The following STARD8 variants were observed in gnomAD, a reference collection of about 807,000 sequenced individuals.
STARD8 encodes the protein StAR related lipid transfer domain containing 8.
In STARD8, 25 loss-of-function variants were observed where a neutral mutation model predicts 69.4. The ratio of observed to expected loss-of-function variants is 0.36; its 90% confidence interval spans 0.26 to 0.50. The LOEUF (loss-of-function observed/expected upper bound fraction) is 0.50. Among genes scored for constraint, STARD8 ranks in the 20% least tolerant of loss-of-function variants. The pLI, the probability that STARD8 is intolerant of heterozygous loss-of-function variation, is 0.96. For synonymous variants in STARD8, 389 were observed against 374.6 expected (o/e 1.04, Z -0.45); for missense variants, 921 against 932.5 (o/e 0.99, Z 0.16).
At chrX:68,721,777 G>A in intron 10 of STARD8, 31 bp downstream of exon 10, 7 of 1,181,278 alleles carry the variant, frequency 5.9e-6, no homozygotes, top group South Asian at 3.8e-5. Flanking sequence ...TCAGGGCCGG[G>A]CTGGGTCCAG....
intron 2 of STARD8, 140 bp downstream of exon 2, chrX:68,665,672 C>G: frequency 1.6e-6 from 1 of 627,062 alleles, no homozygotes; most frequent in Non-Finnish European, 2.5e-6. Flanking sequence ...CTCTCTGTCT[C>G]CCTCCACTGG....
At chrX:68,648,783 C>T (rs1431299749) in intron 1 of STARD8, among the ~76,000 whole-genome samples, 2 of 111,854 alleles carry the variant, frequency 1.8e-5, no homozygotes, top group East Asian at 2.8e-4. Flanking sequence ...CAGCCGAACC[C>T]ACAAGTGTGT....
intron 6 of STARD8, 74 bp from the exon 7 acceptor site, chrX:68,719,151 A>G: frequency 9.4e-7 from 1 of 1,062,881 alleles, no homozygotes; most frequent in Middle Eastern, 2.6e-4. Context: ...AGGGGACCAC[A>G]ATAACACCTT....
intron 1 of STARD8, among the ~76,000 whole-genome samples, chrX:68,651,656 G>C (rs1454457122): frequency 9.0e-6 from 1 of 110,713 alleles, no homozygotes; most frequent in East Asian, 2.9e-4. Flanking sequence ...ACCATATGGA[G>C]CCCTTCATCA....
rs184572008 is a variant in STARD8 at position 68,683,883 on chromosome X, G to A, written c.79+18351G>A. Among the ~76,000 whole-genome samples the A allele has an allele frequency of 1.3e-4, 15 of 112,088 alleles. No homozygotes were observed. In the East Asian group the frequency reaches 2.8e-3, roughly 21 times the overall value. ...TCTGGGGGTAAGGATGATTACCACC[G>A]TTATATATGGGTGAAGATGGAGGCT... On this transcript the variant is annotated intron_variant, in intron 2 of 14. Coordinates refer to ENST00000374599, the MANE Select transcript of STARD8 (RefSeq NM_001142503.3).
intron 1 of STARD8, among the ~76,000 whole-genome samples, chrX:68,661,878 T>TCCTTCC: frequency 1.6e-5 from 1 of 64,165 alleles, no homozygotes; most frequent in African/African-American, 9.1e-5. Context: ...CTTTCTTTCT[T>TCCTTCC]TTCCTTCCTT....
intron 2 of STARD8, among the ~76,000 whole-genome samples, chrX:68,688,952 C>T (rs2079854659): frequency 9.4e-6 from 1 of 106,512 alleles, no homozygotes; most frequent in African/African-American, 3.5e-5. Context: ...AAGGAAGGGA[C>T]CCTAGAACCA....
intron 2 of STARD8, among the ~76,000 whole-genome samples, chrX:68,691,683 T>G (rs2079877501): frequency 8.9e-6 from 1 of 112,262 alleles, no homozygotes; most frequent in African/African-American, 3.2e-5. Flanking sequence ...ACTGCGAAGT[T>G]CTCCTTCTAA....
chrX:68,720,872 C>T (rs755951012), intron 8 of STARD8, 52 bp from the exon 9 acceptor site: 59 of 1,128,386 alleles, frequency 5.2e-5, no homozygotes, highest in Non-Finnish European at 6.9e-5. Flanking sequence ...TCACAGTCTG[C>T]CTCCTACTCA....
At chrX:68,706,667 C>T (rs899015435) in intron 2 of STARD8, among the ~76,000 whole-genome samples, 3 of 112,828 alleles carry the variant, frequency 2.7e-5, no homozygotes, top group African/African-American at 9.7e-5. Context: ...CAGCCCTGTG[C>T]CAGGGCTCAA....
At chrX:68,653,156 A>C (rs1397594848) in intron 1 of STARD8, among the ~76,000 whole-genome samples, 19 of 16,528 alleles carry the variant, frequency 1.1e-3, no homozygotes, top group Non-Finnish European at 1.0e-3. Flanking sequence ...CACCACACCA[A>C]ACACACACAC....
chrX:68,700,714 C>T (rs1172818154), intron 2 of STARD8, among the ~76,000 whole-genome samples: 1 of 111,836 alleles, frequency 8.9e-6, no homozygotes, highest in Admixed American at 9.5e-5. Flanking sequence ...GTGCCCACAC[C>T]AGCAGGGCCT....
In STARD8 at chrX:68,718,607, G is replaced by A. The variant is rs767724023; in HGVS notation, c.1693G>A (p.Ala565Thr). 1.7e-6 allele frequency: 2 copies of A among 1,203,821 alleles called. No homozygotes were observed. Among genetic ancestry groups the A allele is most frequent in the Admixed American group, 2.2e-5 (1 of 45,420 alleles). The change falls in exon 6 of 15, where the codon GCC becomes ACC. Residue 565 changes from alanine to threonine, a missense_variant. Coordinates refer to ENST00000374599, the MANE Select transcript of STARD8 (RefSeq NM_001142503.3). ...TGAACGGCGCGATTCAGGTGTTGGG[G>A]CCTCACTTACCAGACCCTGCAGGTG... ...PRERRDSGVG[A>T]SLTRPCRKLR...
intron 1 of STARD8, among the ~76,000 whole-genome samples, chrX:68,661,559 C>G (rs2079644432): frequency 9.0e-6 from 1 of 111,609 alleles, no homozygotes; most frequent in African/African-American, 3.3e-5. Context: ...AGCAGATGCT[C>G]CACAGACTTT....
At chrX:68,669,074 A>G (rs1338839439) in intron 2 of STARD8, among the ~76,000 whole-genome samples, 4 of 111,511 alleles carry the variant, frequency 3.6e-5, no homozygotes, top group Non-Finnish European at 5.6e-5. Flanking sequence ...TCACTCCAAG[A>G]CATGCTACAT....
At chrX:68,673,844 A>G (rs898004479) in intron 2 of STARD8, among the ~76,000 whole-genome samples, 3 of 111,835 alleles carry the variant, frequency 2.7e-5, no homozygotes, top group Admixed American at 1.9e-4. Flanking sequence ...AAAACATACC[A>G]TTGTCTCCCC....
chrX:68,718,993 C>T (rs2080122663), intron 6 of STARD8, among the ~76,000 whole-genome samples: 1 of 110,485 alleles, frequency 9.1e-6, no homozygotes, highest in South Asian at 3.9e-4. Flanking sequence ...TGCTTATTGG[C>T]ACTAGATGGG....
Position 68,720,331 on chromosome X carries a change from C to T in STARD8, c.1957C>T (p.Pro653Ser), listed in dbSNP as rs1426872450. ...CCGGGGACAGCACGTATTTGGGGTG[C>T]CACCCCTCATCCACGTGCAGCGCAC... ...DYRGQHVFGV[P>S]PLIHVQRTGQ... Residue 653 changes from proline (P) to serine (S), a missense_variant, in exon 8 of 15, where the codon CCA becomes TCA. Coordinates refer to ENST00000374599, the MANE Select transcript of STARD8 (RefSeq NM_001142503.3). 7.5e-6 allele frequency: 9 copies of T among 1,207,378 alleles called. No homozygotes were observed. The highest frequency in any genetic ancestry group is 1.0e-5 in the Non-Finnish European group (9 of 893,178).
chrX:68,702,967 T>TA (rs755575261), intron 2 of STARD8, among the ~76,000 whole-genome samples: 2 of 111,830 alleles, frequency 1.8e-5, no homozygotes, highest in African/African-American at 3.3e-5. Context: ...GTAAGAAGTA[T>TA]AGAGCCAGGA....
Sources: allele counts gnomAD v4.1 joint callset (sites outside exome capture counted in the v4.1 genomes callset), GRCh38; gene constraint gnomAD v4.1.1; transcripts MANE v1.5; gene names NCBI Gene and HGNC (gene_info 2026-07-23, HGNC 2026-07-21).